GPAM: variants seen among roughly 807,000 people sequenced by gnomAD.
The protein encoded by GPAM is glycerol-3-phosphate acyltransferase 1, mitochondrial.
In GPAM, 56 loss-of-function variants were observed where a neutral mutation model predicts 105.0. The ratio of observed to expected loss-of-function variants is 0.53; its 90% CI spans 0.43 to 0.67. The LOEUF (loss-of-function observed/expected upper bound fraction) is 0.67, where lower values mean the gene tolerates loss of function less well. GPAM is among the 30% of genes least tolerant of loss of function. GPAM has a pLI of 0.00. For synonymous variants in GPAM, 368 were observed against 354.4 expected (o/e 1.04, Z -0.43); for missense variants, 855 against 989.8 (o/e 0.86, Z 1.83).
intron 16 of GPAM, 111 bp downstream of exon 16, chr10:112,160,493 C>T (rs960390239): frequency 1.6e-6 from 2 of 1,248,186 alleles, no homozygotes; most frequent in African/African-American, 1.5e-5. Context: ...ATTATAGCCA[C>T]ATTCCCTCAA....
intron 1 of GPAM, among the ~76,000 whole-genome samples, chr10:112,206,816 T>C (rs374687640): frequency 1.8e-3 from 225 of 127,590 alleles, no homozygotes; most frequent in Admixed American, 3.6e-3. Context: ...ACTTAAAGTA[T>C]AATAAAAAAA....
intron 1 of GPAM, among the ~76,000 whole-genome samples, chr10:112,198,925 G>GT (rs112285181): frequency 0.04 from 5,787 of 146,230 alleles, 113 homozygotes; most frequent in East Asian, 0.088. Context: ...TTGTTGTTTT[G>GT]TTTTTTTTTT....
At chr10:112,170,713 G>A (rs948067093) in intron 9 of GPAM, among the ~76,000 whole-genome samples, 1 of 152,114 alleles carries the variant, frequency 6.6e-6, no homozygotes, top group Admixed American at 6.5e-5. Context: ...TCTAATTCCT[G>A]GAAAAGCACA....
chr10:112,226,505 C>T, the GPAM span, among the ~76,000 whole-genome samples: 1 of 151,966 alleles, frequency 6.6e-6, no homozygotes, highest in Non-Finnish European at 1.5e-5. Context: ...GTGATCAGAC[C>T]CAACACCAGG....
chr10:112,200,244 T>TATAGAGAGAG lies in GPAM; in HGVS notation n.210+14923_210+14924insCTCTCTCTAT, dbSNP rs61460320. ...CACTATATGTATATATATATATATA[T>TATAGAGAGAG]AGAGAGAGAGAGAGAGAGAGAGAGA... On this transcript the variant is annotated intron_variant and non_coding_transcript_variant, in intron 1 of 3. Transcript: ENST00000480130. Among the ~76,000 whole-genome samples, 203 of 123,560 alleles carry TATAGAGAGAG rather than the reference T, an allele frequency of 1.6e-3. 1 individual carries two copies. The highest frequency in any genetic ancestry group is 6.0e-3 in the African/African-American group (194 of 32,374). The allele number at this position is 123,560 out of a possible 152,430, so 81.1% of individuals were successfully genotyped here. A position where few individuals can be genotyped will look rare whatever the true frequency, so the allele number is the denominator to read the frequency against.
At chr10:112,175,255 T>C (rs1008234115) in intron 6 of GPAM, among the ~76,000 whole-genome samples, 3 of 152,170 alleles carry the variant, frequency 2.0e-5, no homozygotes, top group African/African-American at 7.2e-5. Context: ...CTTTCGGCTA[T>C]AAAATAGGAA....
chr10:112,165,659 C>T (rs1212810100), intron 12 of GPAM, among the ~76,000 whole-genome samples: 3 of 152,076 alleles, frequency 2.0e-5, no homozygotes, highest in African/African-American at 7.2e-5. Context: ...CACTGCACTC[C>T]AGCCTGGGCT....
chr10:112,193,085 C>T (rs1402897008), intron 1 of GPAM, among the ~76,000 whole-genome samples: 1 of 152,246 alleles, frequency 6.6e-6, no homozygotes, highest in African/African-American at 2.4e-5. Context: ...AAACGAACCC[C>T]TTCCAGACAG....
intron 17 of GPAM, among the ~76,000 whole-genome samples, chr10:112,159,672 T>C (rs565980904): frequency 6.4e-4 from 98 of 152,244 alleles, no homozygotes; most frequent in South Asian, 1.7e-3. Context: ...CCTGAGAACA[T>C]TGAGCAATCT....
At chr10:112,189,687 A>G (rs1847634091) in intron 1 of GPAM, among the ~76,000 whole-genome samples, 1 of 152,208 alleles carries the variant, frequency 6.6e-6, no homozygotes, top group Non-Finnish European at 1.5e-5. Flanking sequence ...GTGAACTGAG[A>G]GCAAGGCAAA....
At chr10:112,173,585 A>T in intron 7 of GPAM, 114 bp downstream of exon 7, 1 of 1,055,104 alleles carries the variant, frequency 9.5e-7, no homozygotes, top group Non-Finnish European at 1.5e-6. Context: ...ATCAGGATTC[A>T]TTAAAACATC....
chr10:112,180,638 A>G lies in GPAM; in HGVS notation c.103-43T>C, dbSNP rs190118111. ...AAAAATATAGTTTCTAAATGGCAAG[A>G]GAATACTTGTCTACTTGATCTCAAA... On this transcript the variant is annotated intron_variant, in intron 3 of 21. Coordinates refer to ENST00000348367, the MANE Select transcript of GPAM (RefSeq NM_001244949.2). 2.6e-6 allele frequency: 4 copies of G among 1,548,010 alleles called. No individual in the cohort carries two copies. In the East Asian group the frequency reaches 9.0e-5, roughly 35 times the overall value.
chr10:112,156,107 G>T, intron 19 of GPAM, 54 bp from the exon 20 acceptor site: 1 of 1,261,220 alleles, frequency 7.9e-7, no homozygotes, highest in South Asian at 1.2e-5. Context: ...AGAGACACAA[G>T]GCAAGTGGAC....
chr10:112,210,464 A>G (rs577159163), intron 1 of GPAM, among the ~76,000 whole-genome samples: 11 of 152,276 alleles, frequency 7.2e-5, no homozygotes, highest in Middle Eastern at 3.4e-3. Context: ...TAAAACACCA[A>G]TGCCCTGGGA....
intron 1 of GPAM, among the ~76,000 whole-genome samples, chr10:112,210,850 C>G (rs1279984020): frequency 3.3e-5 from 5 of 152,170 alleles, no homozygotes; most frequent in Admixed American, 6.5e-5. Context: ...ACATCATGAG[C>G]CTGGGGGAGG....
chr10:112,199,211 C>T (rs12765193), intron 1 of GPAM, among the ~76,000 whole-genome samples: 3 of 152,078 alleles, frequency 2.0e-5, no homozygotes, highest in Admixed American at 6.6e-5. Flanking sequence ...CTGCCTCGGC[C>T]TTCCAAAGTG....
chr10:112,177,505 T>C (rs1436727926), intron 5 of GPAM, among the ~76,000 whole-genome samples: 1 of 152,210 alleles, frequency 6.6e-6, no homozygotes, highest in Non-Finnish European at 1.5e-5. Context: ...TATCCCCATA[T>C]GCCTAGAAAT....
At chr10:112,187,735 C>T (rs1386511907), upstream of GPAM, among the ~76,000 whole-genome samples, 1 of 152,004 alleles carries the variant, frequency 6.6e-6, no homozygotes, top group Non-Finnish European at 1.5e-5. Context: ...TAGAACATGC[C>T]ACCCAATAAC....
chr10:112,218,754 C>T (rs1016766380), upstream of GPAM, among the ~76,000 whole-genome samples: 1 of 152,170 alleles, frequency 6.6e-6, no homozygotes, highest in African/African-American at 2.4e-5. Flanking sequence ...GAGGAGTTCC[C>T]GGAATTGAGG....
Sources: allele counts gnomAD v4.1 joint callset (sites outside exome capture counted in the v4.1 genomes callset), GRCh38; gene constraint gnomAD v4.1.1; transcripts MANE v1.5; gene names NCBI Gene and HGNC (gene_info 2026-07-23, HGNC 2026-07-21).